CDH26: variants seen among roughly 807,000 people sequenced by gnomAD.
CDH26 encodes the protein cadherin 26, also known as cadherin-like protein 26.
In CDH26, 83 loss-of-function variants were observed where a neutral mutation model predicts 90.3. The ratio of observed to expected loss-of-function variants is 0.92; its 90% CI spans 0.77 to 1.10. The LOEUF is 1.10. CDH26 is among the 50% of genes least tolerant of loss of function. CDH26 has a pLI of 0.00. For synonymous variants in CDH26, 397 were observed against 396.3 expected, an observed-to-expected ratio of 1.00 and a Z score of -0.02; for missense variants, 1,013 against 1,037.6, an observed-to-expected ratio of 0.98 and a Z score of 0.33.
chr20:60,006,835 C>A, intron 17 of CDH26, 48 bp downstream of exon 17: 2 of 1,380,388 alleles, frequency 1.4e-6, no homozygotes, highest in South Asian at 1.2e-5. Context: ...GGTTTTGCAT[C>A]CCCACTGTGC....
intron 8 of CDH26, among the ~76,000 whole-genome samples, chr20:60,032,949 G>A (rs1376152418): frequency 6.6e-6 from 1 of 151,842 alleles, no homozygotes; most frequent in Non-Finnish European, 1.5e-5. Context: ...GTATACATAT[G>A]TAACTAACCT....
rs555427331 is a variant in CDH26, at chr20:60,023,410, C to T, written c.948-7821C>T. On this transcript the variant is annotated intron_variant, in intron 7 of 8. Coordinates refer to the CDH26 transcript ENST00000370991. Reference sequence around the variant, plus strand: ...CCTTGGCTTAATGGATGTGTTCAGGCGGCAGGGGCTCAAATATTGTGAGCT... The same window carrying T: ...CCTTGGCTTAATGGATGTGTTCAGGTGGCAGGGGCTCAAATATTGTGAGCT... Among the ~76,000 whole-genome samples the T allele has an allele frequency of 5.3e-5, 8 of 152,290 alleles. No homozygotes were observed. In the South Asian group the frequency reaches 8.3e-4, roughly 16 times the overall value.
At chr20:59,963,412 G>A (rs959912556) in intron 1 of CDH26, among the ~76,000 whole-genome samples, 20 of 151,896 alleles carry the variant, frequency 1.3e-4, no homozygotes, top group Non-Finnish European at 2.8e-4. Flanking sequence ...CACCATGCCT[G>A]GCTAATTTTT....
In CDH26 at chr20:60,013,671, G is replaced by T. The variant is rs2061877366; in HGVS notation, c.*941G>T. ...CATATAAAAATTTTATATAATTAAT[G>T]AGCAAATGCCGTCTCTCATGCCCTA... On this transcript the variant is annotated 3_prime_UTR_variant, in exon 18 of 18. Coordinates refer to ENST00000348616, the MANE Select transcript of CDH26 (RefSeq NM_177980.4). 6.6e-6 allele frequency: 1 copy of T among 152,166 alleles called. No individual in the cohort carries two copies. Among genetic ancestry groups the T allele is most frequent in the South Asian group, 2.1e-4 (1 of 4,832 alleles). The allele number at this position is 152,166 out of a possible 1,614,324, so 9.4% of individuals were successfully genotyped here. A position where few individuals can be genotyped will look rare whatever the true frequency, so the allele number is the denominator to read the frequency against.
downstream of CDH26, among the ~76,000 whole-genome samples, chr20:60,016,762 C>G (rs2061908883): frequency 6.6e-6 from 1 of 151,886 alleles, no homozygotes; most frequent in African/African-American, 2.4e-5. Flanking sequence ...TCATATATAG[C>G]CTTAATTTGT....
downstream of CDH26, among the ~76,000 whole-genome samples, chr20:60,018,709 T>TTTTTTTTG: frequency 3.1e-5 from 1 of 32,544 alleles, no homozygotes. Flanking sequence ...TGCCTTTTTT[T>TTTTTTTTG]TTTTTTTTTT....
intron 1 of CDH26, among the ~76,000 whole-genome samples, chr20:59,961,586 T>C (rs750780986): frequency 9.2e-5 from 14 of 152,148 alleles, no homozygotes; most frequent in Non-Finnish European, 1.8e-4. Context: ...AGATACCTAC[T>C]TCCCCCTGTT....
chr20:60,032,726 T>G (rs975199584), intron 8 of CDH26, among the ~76,000 whole-genome samples: 3 of 151,880 alleles, frequency 2.0e-5, no homozygotes, highest in African/African-American at 7.3e-5. Flanking sequence ...GAAATCATCA[T>G]TCTCAGTAAA....
At chr20:60,018,702 C>CTTTTTTT (rs55994712), downstream of CDH26, among the ~76,000 whole-genome samples, 64 of 17,812 alleles carry the variant, frequency 3.6e-3, 11 homozygotes, top group Non-Finnish European at 4.0e-3. Context: ...CTCTTACTGC[C>CTTTTTTT]TTTTTTTTTT....
intron 1 of CDH26, among the ~76,000 whole-genome samples, chr20:59,967,951 CTTTCTA>C (rs2061190364): frequency 3.6e-5 from 3 of 83,952 alleles, no homozygotes; most frequent in African/African-American, 2.2e-4. Context: ...TTCTTTCTTT[CTTTCTA>C]TCTTTCTTTC....
At chr20:60,016,522 T>C (rs2061906711), downstream of CDH26, among the ~76,000 whole-genome samples, 1 of 152,168 alleles carries the variant, frequency 6.6e-6, no homozygotes, top group African/African-American at 2.4e-5. Context: ...GTAGCATCTT[T>C]AGGTTTTTCT....
intron 3 of CDH26, among the ~76,000 whole-genome samples, chr20:59,970,394 C>A (rs542931339): frequency 1.3e-5 from 2 of 152,196 alleles, no homozygotes; most frequent in East Asian, 3.9e-4. Flanking sequence ...GAACGAGTCA[C>A]TTCTCCATGT....
intron 5 of CDH26, among the ~76,000 whole-genome samples, chr20:59,983,480 A>C (rs1228091762): frequency 6.7e-5 from 10 of 150,156 alleles, no homozygotes; most frequent in African/African-American, 2.4e-4. Flanking sequence ...ATGTGGATTT[A>C]TTTTAATAAC....
chr20:59,966,077 A>T (rs2061144476), intron 1 of CDH26, among the ~76,000 whole-genome samples: 1 of 152,118 alleles, frequency 6.6e-6, no homozygotes, highest in Non-Finnish European at 1.5e-5. Context: ...TGCTTGAAAG[A>T]TTACATTTAT....
At position 60,012,814 on chromosome 20, in the gene CDH26, C is replaced by A; in HGVS notation, c.*84C>A. 1.5e-6 allele frequency: 2 copies of A among 1,340,386 alleles called. No homozygotes were observed. The highest frequency in any genetic ancestry group is 2.1e-6 in the Non-Finnish European group (2 of 968,838). 83.0% of individuals were successfully genotyped at this position (1,340,386 alleles called of 1,614,324 possible). A position where few individuals can be genotyped will look rare whatever the true frequency, so the allele number is the denominator to read the frequency against. On this transcript the variant is annotated 3_prime_UTR_variant, in exon 18 of 18. Transcript: ENST00000348616. ...GATTTTTCCCCTTTGCTCTTCTTTT[C>A]CCTCCTTAAAAGAAAAATTACCTTC...
rs542695686 is a variant in CDH26 at position 59,989,956 on chromosome 20, C to T, written c.1283+793C>T. On this transcript the variant is annotated intron_variant, in intron 9 of 17. Transcript: ENST00000348616. ...GCATTCACATCGTTGTGCACCATCA[C>T]CTCCCTCCATCTCCAGAACTCTTTT... 7.9e-5 allele frequency among the ~76,000 whole-genome samples: 12 copies of T among 152,208 alleles called. No homozygotes were observed. The South Asian group carries it at 2.5e-3, about 32-fold the overall frequency.
In CDH26 at chr20:60,005,279, G is replaced by A. The variant is rs144306861; in HGVS notation, c.2221-1434G>A. 2.5e-3 allele frequency among the ~76,000 whole-genome samples: 376 copies of A among 152,132 alleles called. 1 individual carries two copies. The highest frequency in any genetic ancestry group is 8.0e-3 in the African/African-American group (330 of 41,492). On this transcript the variant is annotated intron_variant, in intron 16 of 17. Coordinates refer to ENST00000348616, the MANE Select transcript of CDH26 (RefSeq NM_177980.4). ...ACAGTAGACTGTTAGTTGAGTTTTC[G>A]GGGAATCAAAAGTTATAGGCATGTT...
intron 4 of CDH26, among the ~76,000 whole-genome samples, chr20:59,982,451 C>G (rs1449831368): frequency 6.6e-6 from 1 of 152,220 alleles, no homozygotes; most frequent in Non-Finnish European, 1.5e-5. Context: ...ACAGAAGTAA[C>G]TGCAGTGGCC....
At chr20:59,980,423 T>C (rs2061381440) in intron 4 of CDH26, among the ~76,000 whole-genome samples, 1 of 151,948 alleles carries the variant, frequency 6.6e-6, no homozygotes, top group Non-Finnish European at 1.5e-5. Flanking sequence ...GCCTCCCGAG[T>C]AGCTGGGATT....
Sources: allele counts gnomAD v4.1 joint callset (sites outside exome capture counted in the v4.1 genomes callset), GRCh38; gene constraint gnomAD v4.1.1; transcripts MANE v1.5; gene names NCBI Gene and HGNC (gene_info 2026-07-23, HGNC 2026-07-21).